CLVS1: variants seen among roughly 807,000 people sequenced by gnomAD.
The protein encoded by CLVS1 is clavesin-1.
Under a neutral mutation model 33.1 loss-of-function variants are expected in CLVS1, and 10 were observed. The observed-to-expected ratio is 0.30, with a 90% CI of 0.19 to 0.51. CLVS1 has a LOEUF of 0.51. CLVS1 is among the 20% of genes least tolerant of loss of function. The pLI, the probability that CLVS1 is intolerant of heterozygous loss-of-function variation, is 0.97. For missense variants in CLVS1, 343 were observed against 433.4 expected (o/e 0.79, Z 1.85); for synonymous variants, 163 against 166.1 (o/e 0.98, Z 0.14).
rs891574426 is a variant in CLVS1, at chr8:61,164,012, C to T, written c.-152+32152C>T. Among the ~76,000 whole-genome samples, 5 of 152,322 alleles carry T rather than the reference C, an allele frequency of 3.3e-5. No homozygotes were observed. The South Asian group carries it at 1.0e-3, about 32-fold the overall frequency. On this transcript the variant is annotated intron_variant, in intron 2 of 2. Coordinates refer to the CLVS1 transcript ENST00000522621. Reference sequence around the variant, plus strand: ...GGGACCCAAAGGGGGTTGCCCACTCCCGGCTCGAATGCGTGGGGTTTATAT... The same window carrying T: ...GGGACCCAAAGGGGGTTGCCCACTCTCGGCTCGAATGCGTGGGGTTTATAT...
At chr8:61,189,807 C>T (rs1299667330) in intron 2 of CLVS1, among the ~76,000 whole-genome samples, 3 of 152,172 alleles carry the variant, frequency 2.0e-5, no homozygotes, top group Non-Finnish European at 4.4e-5. Context: ...GGGATCAATT[C>T]AACAAGAAGA....
At chr8:61,079,109 T>A (rs1405684333) in intron 1 of CLVS1, among the ~76,000 whole-genome samples, 2 of 152,250 alleles carry the variant, frequency 1.3e-5, no homozygotes, top group African/African-American at 2.4e-5. Context: ...GTTTAGATTA[T>A]AAAATATAAG....
chr8:61,311,913 G>C (rs889291899), intron 2 of CLVS1, among the ~76,000 whole-genome samples: 2 of 152,162 alleles, frequency 1.3e-5, no homozygotes, highest in Non-Finnish European at 2.9e-5. Flanking sequence ...CTCTTCCAAA[G>C]GTCAGTGTCA....
intron 2 of CLVS1, among the ~76,000 whole-genome samples, chr8:61,196,657 T>G (rs959718455): frequency 7.2e-5 from 11 of 152,136 alleles, no homozygotes; most frequent in African/African-American, 2.4e-4. Context: ...CCAGCTTGAG[T>G]GTATGGTGGC....
At chr8:61,292,107 G>A (rs565420770) in intron 1 of CLVS1, 2 of 258,218 alleles carry the variant, frequency 7.7e-6, no homozygotes, top group East Asian at 9.6e-5. Context: ...AGAAGCCAGG[G>A]CAAAGAAAAG....
chr8:61,438,179 C>T (rs551290898), intron 3 of CLVS1, among the ~76,000 whole-genome samples: 3 of 152,184 alleles, frequency 2.0e-5, no homozygotes, highest in African/African-American at 7.2e-5. Context: ...CTGCTCGCAC[C>T]CCCAACCTCC....
chr8:61,352,929 C>T (rs1585844787), intron 2 of CLVS1, among the ~76,000 whole-genome samples: 1 of 152,084 alleles, frequency 6.6e-6, no homozygotes, highest in Non-Finnish European at 1.5e-5. Flanking sequence ...TATGTAAATA[C>T]TATACCATTT....
intron 2 of CLVS1, among the ~76,000 whole-genome samples, chr8:61,307,139 G>A (rs895358902): frequency 1.3e-5 from 2 of 152,128 alleles, no homozygotes; most frequent in Non-Finnish European, 2.9e-5. Context: ...ACCAGCTATG[G>A]TCCCCAAGAA....
intron 5 of CLVS1, among the ~76,000 whole-genome samples, chr8:61,481,229 A>T (rs1231225977): frequency 2.0e-5 from 3 of 152,174 alleles, no homozygotes; most frequent in Non-Finnish European, 4.4e-5. Context: ...GTGTATAAAA[A>T]ATAAAATAGG....
intron 1 of CLVS1, among the ~76,000 whole-genome samples, chr8:61,123,187 T>C (rs1043481669): frequency 1.4e-5 from 2 of 143,012 alleles, no homozygotes; most frequent in Non-Finnish European, 1.5e-5. Context: ...GAGAATCACT[T>C]GAACTCGGGA....
At chr8:61,165,997 T>G (rs1806854636) in intron 2 of CLVS1, among the ~76,000 whole-genome samples, 1 of 150,786 alleles carries the variant, frequency 6.6e-6, no homozygotes. Flanking sequence ...GGCAAGAACG[T>G]GGGTTACATA....
rs553759278 is a variant in CLVS1, at chr8:61,112,150, C to T, written c.-242-19620C>T. Among the ~76,000 whole-genome samples the T allele has an allele frequency of 5.3e-5, 8 of 150,854 alleles. No individual in the cohort carries two copies. In the South Asian group the frequency reaches 8.4e-4, roughly 16 times the overall value. On this transcript the variant is annotated intron_variant, in intron 1 of 2. Coordinates refer to the CLVS1 transcript ENST00000522621. ...CTGCATTCCCACCACCTATCATAAT[C>T]GCTGTTATTATTTTAAAGTTCTCCG...
At chr8:61,459,515 C>T (rs1005109967) in intron 5 of CLVS1, among the ~76,000 whole-genome samples, 1 of 146,030 alleles carries the variant, frequency 6.8e-6, no homozygotes, top group African/African-American at 2.5e-5. Context: ...TACTCTTCCC[C>T]CCAAGTCCCC....
intron 1 of CLVS1, among the ~76,000 whole-genome samples, chr8:61,130,908 C>G (rs938755976): frequency 6.6e-6 from 1 of 152,232 alleles, no homozygotes; most frequent in African/African-American, 2.4e-5. Context: ...AAATTCCAGA[C>G]TCATCAACTC....
chr8:61,439,537 G>A (rs945442743), intron 3 of CLVS1, among the ~76,000 whole-genome samples: 1 of 152,160 alleles, frequency 6.6e-6, no homozygotes, highest in Non-Finnish European at 1.5e-5. Flanking sequence ...CACCTGGGCA[G>A]CAACAGGATT....
At chr8:61,401,447 A>T (rs1158628916) in intron 3 of CLVS1, among the ~76,000 whole-genome samples, 1 of 152,110 alleles carries the variant, frequency 6.6e-6, no homozygotes, top group Non-Finnish European at 1.5e-5. Context: ...GTTTCCTTCT[A>T]TCCCACATTT....
chr8:61,351,454 T>C (rs1314985822), intron 2 of CLVS1, among the ~76,000 whole-genome samples: 2 of 151,820 alleles, frequency 1.3e-5, no homozygotes, highest in Non-Finnish European at 1.5e-5. Flanking sequence ...TGTGGGACAA[T>C]GTCATAAGAT....
chr8:61,285,476 C>A (rs964484013), upstream of CLVS1, among the ~76,000 whole-genome samples: 1 of 152,208 alleles, frequency 6.6e-6, no homozygotes, highest in African/African-American at 2.4e-5. Flanking sequence ...ATGGAAGCTG[C>A]CTACATATTT....
At chr8:61,446,828 GT>G (rs56873060) in intron 3 of CLVS1, among the ~76,000 whole-genome samples, 19,360 of 138,012 alleles carry the variant, frequency 0.14, 1,379 homozygotes, top group African/African-American at 0.23. Flanking sequence ...TCTTTTGAAG[GT>G]TTTTTTTTTT....
Sources: allele counts gnomAD v4.1 joint callset (sites outside exome capture counted in the v4.1 genomes callset), GRCh38; gene constraint gnomAD v4.1.1; transcripts MANE v1.5; gene names NCBI Gene and HGNC (gene_info 2026-07-23, HGNC 2026-07-21).